Variants in SMARCB1 observed in about 807,000 individuals in gnomAD.
SMARCB1 encodes SWI/SNF related BAF chromatin remodeling complex subunit B1.
Under a neutral mutation model 49.0 loss-of-function variants are expected in SMARCB1, and 5 were observed. The ratio of observed to expected loss-of-function variants is 0.10; its 90% CI spans 0.05 to 0.21. The LOEUF is 0.21. Ranked by LOEUF, SMARCB1 falls within the 10% of genes least tolerant of loss-of-function variation. The pLI, the probability that SMARCB1 is intolerant of heterozygous loss-of-function variation, is 1.00. For missense variants in SMARCB1, 226 were observed against 509.2 expected, an observed-to-expected ratio of 0.44 and a Z score of 5.35; for synonymous variants, 201 against 200.1, an observed-to-expected ratio of 1.00 and a Z score of -0.04.
chr22:23,811,100 A>G (rs973554742), intron 5 of SMARCB1, among the ~76,000 whole-genome samples: 1 of 152,172 alleles, frequency 6.6e-6, no homozygotes, highest in Non-Finnish European at 1.5e-5. Flanking sequence ...AGGAGTGACA[A>G]TGTTAGTATC....
chr22:23,814,459 A>C (rs1224509322), intron 5 of SMARCB1, among the ~76,000 whole-genome samples: 1 of 152,102 alleles, frequency 6.6e-6, no homozygotes, highest in Non-Finnish European at 1.5e-5. Flanking sequence ...TGAGATCACG[A>C]GTTCGAGACC....
intron 7 of SMARCB1, 60 bp downstream of exon 7, chr22:23,825,475 A>G: frequency 6.8e-7 from 1 of 1,467,982 alleles, no homozygotes; most frequent in Non-Finnish European, 9.5e-7. Context: ...TTTGAGAAAG[A>G]CTTCTCTGTG....
Position 23,837,276 on chromosome 22 carries a change from C to T in SMARCB1, c.*3096C>T, listed in dbSNP as rs1272352939. ...CTGCAGGCCCCACAGCATGAGTGCC[C>T]CAAAGCCTTGCACAGAGTGCCAGCC... On this transcript the variant is annotated 3_prime_UTR_variant, in exon 9 of 9. Coordinates refer to ENST00000644036, the MANE Select transcript of SMARCB1 (RefSeq NM_003073.5). The T allele has an allele frequency of 1.5e-6, 2 of 1,294,362 alleles. No homozygotes were observed. Among genetic ancestry groups the T allele is most frequent in the African/African-American group, 3.0e-5 (2 of 66,476 alleles). The allele number at this position is 1,294,362 out of a possible 1,614,324, so 80.2% of individuals were successfully genotyped here.
In SMARCB1 at chr22:23,801,213, C is replaced by T. The variant is rs547806964; in HGVS notation, c.500+132C>T. On this transcript the variant is annotated intron_variant, in intron 4 of 8. Transcript: ENST00000644036. ...TCCCCACAACGCCACAGTACCTCCT[C>T]GCCTTTGAACTGTTGTGTTTCCCTG... 100 of 1,249,174 alleles carry T rather than the reference C, an allele frequency of 8.0e-5. No individual in the cohort carries two copies. In the South Asian group the frequency reaches 1.1e-3, roughly 14 times the overall value. The allele number at this position is 1,249,174 out of a possible 1,614,324, so 77.4% of individuals were successfully genotyped here.
intron 6 of SMARCB1, chr22:23,818,533 G>A (rs1284708060): frequency 6.6e-6 from 1 of 152,146 alleles, no homozygotes; most frequent in Non-Finnish European, 1.5e-5. Context: ...AACCACTTAA[G>A]TGTAAATTCA....
chr22:23,804,243 G>T (rs976511713), intron 5 of SMARCB1: 1 of 151,062 alleles, frequency 6.6e-6, no homozygotes, highest in East Asian at 1.9e-4. Flanking sequence ...CCACTCTGTT[G>T]CCCAGGCTGG....
intron 5 of SMARCB1, among the ~76,000 whole-genome samples, chr22:23,808,660 G>A (rs1929672232): frequency 6.6e-6 from 1 of 151,580 alleles, no homozygotes; most frequent in Non-Finnish European, 1.5e-5. Flanking sequence ...CCTGTACCCA[G>A]TGACAGTATT....
At chr22:23,801,309 C>CT in intron 4 of SMARCB1, 1 of 736,338 alleles carries the variant, frequency 1.4e-6, no homozygotes, top group South Asian at 1.5e-5. Context: ...CCTCACCTCT[C>CT]TGGCCCCTCA....
chr22:23,789,119 G>A (rs2145955829), intron 1 of SMARCB1, among the ~76,000 whole-genome samples: 1 of 152,324 alleles, frequency 6.6e-6, no homozygotes, highest in African/African-American at 2.4e-5. Context: ...CAAAGTGCTC[G>A]ATTATAGGCG....
intron 4 of SMARCB1, chr22:23,801,636 G>A (rs1298353765): frequency 1.5e-5 from 5 of 339,642 alleles, no homozygotes; most frequent in East Asian, 7.6e-5. Context: ...GGGCTGCCAC[G>A]TTCCAGTCTC....
chr22:23,793,482 T>A, intron 2 of SMARCB1, 77 bp from the exon 3 acceptor site: 2 of 1,489,726 alleles, frequency 1.3e-6, no homozygotes, highest in Non-Finnish European at 1.9e-6. Context: ...AGGACCTTGA[T>A]GTGCTGCATC....
intron 5 of SMARCB1, chr22:23,816,201 C>T (rs574962299): frequency 5.7e-6 from 1 of 174,518 alleles, no homozygotes; most frequent in East Asian, 1.4e-4. Context: ...CAGATGGTCC[C>T]TGTGAGCTCC....
At chr22:23,789,057 C>T (rs1370335601) in intron 1 of SMARCB1, among the ~76,000 whole-genome samples, 3 of 152,152 alleles carry the variant, frequency 2.0e-5, no homozygotes, top group Non-Finnish European at 4.4e-5. Flanking sequence ...ACCATATTGT[C>T]CAGGCTGGTC....
Position 23,835,024 on chromosome 22 carries a change from A to AG in SMARCB1, c.*846dup. 1 of 1,424,458 alleles carries AG rather than the reference A, an allele frequency of 7.0e-7. No homozygotes were observed. The highest frequency in any genetic ancestry group is 9.2e-7 in the Non-Finnish European group (1 of 1,091,180). 88.2% of individuals were successfully genotyped at this position (1,424,458 alleles called of 1,614,324 possible). ...TCTAGCTCCAGTGGCACCCATAGCC[A>AG]GGTCAGCTGGGGCCCTTTCCCACCC... is the stretch of plus-strand genomic sequence containing the variant. On this transcript the variant is annotated 3_prime_UTR_variant, in exon 9 of 9. Transcript: ENST00000644036.
intron 2 of SMARCB1, chr22:23,793,003 G>C (rs915712959): frequency 2.5e-5 from 5 of 201,314 alleles, no homozygotes; most frequent in Non-Finnish European, 5.2e-5. Flanking sequence ...AATCTGTCCT[G>C]CTTCCCAGGC....
chr22:23,825,564 T>TCCTGC, intron 7 of SMARCB1, 149 bp downstream of exon 7: 2 of 682,390 alleles, frequency 2.9e-6, no homozygotes, highest in South Asian at 3.6e-5. Flanking sequence ...TCCGTCCTCC[T>TCCTGC]CCTGCCCTAT....
intron 6 of SMARCB1, chr22:23,818,488 TGTG>T (rs1028719137): frequency 4.6e-5 from 7 of 152,284 alleles, no homozygotes; most frequent in African/African-American, 1.7e-4. Context: ...ATTTTAAAAT[TGTG>T]GTAACATTCA....
At chr22:23,790,367 G>A (rs981765099) in intron 1 of SMARCB1, among the ~76,000 whole-genome samples, 2 of 152,116 alleles carry the variant, frequency 1.3e-5, no homozygotes, top group Admixed American at 6.5e-5. Flanking sequence ...CAGTAGCCCT[G>A]GTTGTTGATT....
intron 5 of SMARCB1, chr22:23,804,319 C>T (rs780810907): frequency 6.6e-6 from 1 of 152,006 alleles, no homozygotes; most frequent in African/African-American, 2.4e-5. Context: ...GTCCTCCTGC[C>T]ACAGCCTCCC....
Sources: gnomAD v4.1 joint callset for allele counts (sites outside exome capture counted in the v4.1 genomes callset) on GRCh38, gnomAD v4.1.1 for gene constraint, MANE v1.5 for transcripts, NCBI Gene and HGNC (gene_info 2026-07-23, HGNC 2026-07-21) for gene names.